The following ATP8B3 variants were observed in gnomAD, a reference collection of about 807,000 sequenced individuals.
The protein encoded by ATP8B3 is phospholipid-transporting ATPase IK.
Under a neutral mutation model 140.9 loss-of-function variants are expected in ATP8B3, and 141 were observed. The ratio of observed to expected loss-of-function variants is 1.00; its 90% CI spans 0.87 to 1.15. The LOEUF (loss-of-function observed/expected upper bound fraction) is 1.15. Among genes scored for constraint, ATP8B3 ranks in the 50% most tolerant of loss-of-function variants. The pLI, the probability that ATP8B3 is intolerant of heterozygous loss-of-function variation, is 0.00. For synonymous variants in ATP8B3, 765 were observed against 714.6 expected, an observed-to-expected ratio of 1.07 and a Z score of -1.13; for missense variants, 1,874 against 1,740.6, an observed-to-expected ratio of 1.08 and a Z score of -1.36.
At chr19:1,792,260 C>A in intron 18 of ATP8B3, 125 bp from the exon 19 acceptor site, 3 of 1,109,020 alleles carry the variant, frequency 2.7e-6, no homozygotes, top group Non-Finnish European at 3.7e-6. Context: ...GCCTCCCCAG[C>A]CAACAGCAGC....
intron 14 of ATP8B3, chr19:1,799,260 C>T (rs2145193996): frequency 6.6e-6 from 1 of 151,806 alleles, no homozygotes; most frequent in South Asian, 2.1e-4. Context: ...GAGTTCGAGA[C>T]CAGCCTGGGA....
At chr19:1,789,188 G>T in intron 23 of ATP8B3, 68 bp from the exon 24 acceptor site, 2 of 1,082,660 alleles carry the variant, frequency 1.8e-6, no homozygotes, top group South Asian at 1.5e-5. Flanking sequence ...CCAGACCCCC[G>T]CACTGTTCTG....
At chr19:1,789,818 C>T in intron 22 of ATP8B3, 72 bp downstream of exon 22, 1 of 1,586,650 alleles carries the variant, frequency 6.3e-7, no homozygotes, top group South Asian at 1.1e-5. Flanking sequence ...GCAGTCCCCA[C>T]CCCGAGCCCG....
At chr19:1,804,839 A>G (rs1336452089) in intron 10 of ATP8B3, among the ~76,000 whole-genome samples, 1 of 152,214 alleles carries the variant, frequency 6.6e-6, no homozygotes, top group Non-Finnish European at 1.5e-5. Context: ...ACAGCCAAGC[A>G]TTGGAGGTGT....
chr19:1,801,769 A>G (rs1018273769), intron 12 of ATP8B3, among the ~76,000 whole-genome samples, 187 bp downstream of exon 12: 1 of 152,036 alleles, frequency 6.6e-6, no homozygotes, highest in Non-Finnish European at 1.5e-5. Flanking sequence ...AAATAAATAC[A>G]TAATTATTAT....
At chr19:1,785,323 C>A in intron 26 of ATP8B3, 26 bp from the exon 27 acceptor site, 1 of 1,573,504 alleles carries the variant, frequency 6.4e-7, no homozygotes, top group South Asian at 1.2e-5. Flanking sequence ...TGGGGTAAAT[C>A]CGGGGCCTAG....
At chr19:1,789,230 TC>T (rs1455966376) in intron 23 of ATP8B3, 110 bp from the exon 24 acceptor site, 6 of 596,186 alleles carry the variant, frequency 1.0e-5, no homozygotes, top group East Asian at 4.1e-5. Flanking sequence ...CTGCTTCAGG[TC>T]CCCCCAGTCC....
At chr19:1,802,225 C>T (rs2068871694) in intron 11 of ATP8B3, among the ~76,000 whole-genome samples, 181 bp from the exon 12 acceptor site, 1 of 47,146 alleles carries the variant, frequency 2.1e-5, no homozygotes, top group Non-Finnish European at 4.2e-5. Context: ...ACCCTTCCAC[C>T]CCTACCCACC....
At chr19:1,792,873 C>A (rs1202587523) in intron 18 of ATP8B3, among the ~76,000 whole-genome samples, 1 of 151,048 alleles carries the variant, frequency 6.6e-6, no homozygotes, top group African/African-American at 2.4e-5. Flanking sequence ...TGAGATCGCC[C>A]TATCGCACTC....
chr19:1,809,558 G>C, intron 4 of ATP8B3, 85 bp downstream of exon 4: 2 of 1,123,892 alleles, frequency 1.8e-6, no homozygotes, highest in African/African-American at 1.5e-5. Context: ...AGCAGAGGCA[G>C]GACTCAGGAG....
At position 1,811,641 on chromosome 19, in the gene ATP8B3, G is replaced by A. The variant is rs755465663; in HGVS notation, c.96C>T (p.Asp32=). The change falls in exon 2 of 29, where the codon GAC becomes GAT. Residue 32 remains aspartate, a synonymous_variant. Coordinates refer to ENST00000310127, the MANE Select transcript of ATP8B3 (RefSeq NM_138813.4). The part of the protein sequence containing the change: ...PPGPGDTGDS[D]VTQEGSGPAG... ...CAGGACCTGAGCCTTCCTGAGTCAC[G>A]TCTGAGTCACCCGTGTCCCCAGGTC... 12 of 1,611,068 alleles carry A rather than the reference G, an allele frequency of 7.4e-6. No individual in the cohort carries two copies. The highest frequency in any genetic ancestry group is 3.3e-5 in the Admixed American group (2 of 59,962).
chr19:1,811,186 G>A (rs1006589163), intron 2 of ATP8B3, among the ~76,000 whole-genome samples: 3 of 152,188 alleles, frequency 2.0e-5, no homozygotes, highest in Admixed American at 1.3e-4. Flanking sequence ...TCAAAACACA[G>A]CATGAGGGTC....
In ATP8B3 at chr19:1,799,851, G is replaced by GC. The variant is rs2068786991; in HGVS notation, c.1552+95dup. On this transcript the variant is annotated intron_variant, in intron 14 of 28. Coordinates refer to ENST00000310127, the MANE Select transcript of ATP8B3 (RefSeq NM_138813.4). Reference sequence around the variant, plus strand: ...CCCTGGTTCAGATTCGGGCGGAGGTGCTGGGCATGGGGCCAGACGTGGCTC... The same window carrying GC: ...CCCTGGTTCAGATTCGGGCGGAGGTGCCTGGGCATGGGGCCAGACGTGGCTC... 9 of 1,246,748 alleles carry GC rather than the reference G, an allele frequency of 7.2e-6. No individual in the cohort carries two copies. In the African/African-American group the frequency reaches 1.0e-4, roughly 14 times the overall value. The allele number at this position is 1,246,748 out of a possible 1,614,324, so 77.2% of individuals were successfully genotyped here. A position where few individuals can be genotyped will look rare whatever the true frequency, so the allele number is the denominator to read the frequency against.
At position 1,807,623 on chromosome 19, in the gene ATP8B3, C is replaced by T. The variant is rs1441523698; in HGVS notation, c.517-357G>A. Among the ~76,000 whole-genome samples, 1 of 152,254 alleles carries T rather than the reference C, an allele frequency of 6.6e-6. No homozygotes were observed. The highest frequency in any genetic ancestry group is 2.4e-5 in the African/African-American group (1 of 41,468). On this transcript the variant is annotated intron_variant, in intron 5 of 28. Coordinates refer to ENST00000310127, the MANE Select transcript of ATP8B3 (RefSeq NM_138813.4). The surrounding 1 kb of genome is among the most constrained non-coding windows in gnomAD (Gnocchi z 5.9). Reference sequence around the variant, plus strand: ...CCCCAGGTCACCCTGCAGGTGTGAGCTCCACCATCCCCTACCCTGGCACCC... The same window carrying T: ...CCCCAGGTCACCCTGCAGGTGTGAGTTCCACCATCCCCTACCCTGGCACCC...
Position 1,782,815 on chromosome 19 carries a change from C to G in ATP8B3, c.*213G>C, listed in dbSNP as rs1190435606. On this transcript the variant is annotated 3_prime_UTR_variant, in exon 29 of 29. Coordinates refer to ENST00000310127, the MANE Select transcript of ATP8B3 (RefSeq NM_138813.4). ...TGGGTGACAATGACCTCTCCTGTGC[C>G]CTTGGCAATTGCTCTTGGAAAGACT... 1 of 618,794 alleles carries G rather than the reference C, an allele frequency of 1.6e-6. No individual in the cohort carries two copies. The highest frequency in any genetic ancestry group is 1.8e-5 in the African/African-American group (1 of 54,116). The allele number at this position is 618,794 out of a possible 1,614,324, so 38.3% of individuals were successfully genotyped here. A position where few individuals can be genotyped will look rare whatever the true frequency, so the allele number is the denominator to read the frequency against.
chr19:1,809,971 A>AG (rs1403640625), intron 3 of ATP8B3, among the ~76,000 whole-genome samples: 2 of 152,220 alleles, frequency 1.3e-5, no homozygotes, highest in African/African-American at 2.4e-5. Context: ...ACCCCCAGCC[A>AG]GGGGCCTGTC....
At chr19:1,789,864 C>T (rs1448157107) in intron 22 of ATP8B3, 26 bp downstream of exon 22, 4 of 1,609,128 alleles carry the variant, frequency 2.5e-6, no homozygotes, top group East Asian at 4.5e-5. Context: ...GCCGGGACCC[C>T]GCCGTCCACC....
rs2069039401 is a variant in ATP8B3, at chr19:1,806,857, G to A, written c.616-168C>T. 6.6e-6 allele frequency among the ~76,000 whole-genome samples: 1 copy of A among 152,148 alleles called. No homozygotes were observed. On this transcript the variant is annotated intron_variant, in intron 6 of 28. Transcript: ENST00000310127. The surrounding 1 kb of genome is among the most constrained non-coding windows in gnomAD (Gnocchi z 5.6). ...GGGATCCCGGACGTGGGGGCCACTG[G>A]ACCCACTGCTATTGGCGGGGAGAAG... is the stretch of plus-strand genomic sequence containing the variant.
chr19:1,808,351 C>A lies in ATP8B3; in HGVS notation c.403-16G>T, dbSNP rs188164154. On this transcript the variant is annotated splice_polypyrimidine_tract_variant and intron_variant, in intron 4 of 28. Coordinates refer to ENST00000310127, the MANE Select transcript of ATP8B3 (RefSeq NM_138813.4). The stretch of plus-strand genomic sequence containing the variant: ...TGACATTGGTCTGGAACGAGAGCCG[C>A]GGGCTGCCTGGCAGAGGGGTGCCAT... The A allele has an allele frequency of 8.1e-6, 13 of 1,598,938 alleles. No homozygotes were observed. The African/African-American group carries it at 1.5e-4, about 18-fold the overall frequency.
Sources: allele counts gnomAD v4.1 joint callset (sites outside exome capture counted in the v4.1 genomes callset), GRCh38; gene constraint gnomAD v4.1.1; non-coding constraint Gnocchi (gnomAD v3.1); transcripts MANE v1.5; gene names NCBI Gene and HGNC (gene_info 2026-07-23, HGNC 2026-07-21).